IL10RA: variants seen among roughly 807,000 people sequenced by gnomAD.
IL10RA encodes interleukin-10 receptor subunit alpha.
Under a neutral mutation model 29.6 loss-of-function variants are expected in IL10RA, and 18 were observed. That is an observed-to-expected ratio of 0.61 (90% CI 0.42 to 0.90). IL10RA has a LOEUF of 0.90. Ranked by LOEUF, IL10RA falls within the 40% of genes least tolerant of loss-of-function variation. The pLI, the probability that IL10RA is intolerant of heterozygous loss-of-function variation, is 0.00. For synonymous variants in IL10RA, 292 were observed against 294.1 expected, an observed-to-expected ratio of 0.99 and a Z score of 0.07; for missense variants, 634 against 716.6, an observed-to-expected ratio of 0.88 and a Z score of 1.32.
At chr11:117,993,511 C>A in intron 4 of IL10RA, 101 bp downstream of exon 4, 2 of 1,063,684 alleles carry the variant, frequency 1.9e-6, no homozygotes, top group South Asian at 1.3e-5. Flanking sequence ...TGCTTATGGA[C>A]TAAAGGGAGG....
chr11:117,994,255 G>A lies in IL10RA; in HGVS notation c.688+106G>A, dbSNP rs1304271390. 3 of 926,948 alleles carry A rather than the reference G, an allele frequency of 3.2e-6. No individual in the cohort carries two copies. In the East Asian group the frequency reaches 7.7e-5, roughly 24 times the overall value. 57.4% of individuals were successfully genotyped at this position (926,948 alleles called of 1,614,324 possible). On this transcript the variant is annotated intron_variant, in intron 5 of 6. Transcript: ENST00000227752. ...GCTGGTGCCAGCCACTGTGTTAGGT[G>A]CTGCTTCACATAGCTCTGCATCCTT... is the stretch of plus-strand genomic sequence containing the variant.
In IL10RA at chr11:117,993,312, A is replaced by G. The variant is rs761828743; in HGVS notation, c.439A>G (p.Arg147Gly). Residue 147 changes from arginine to glycine, a missense_variant, in exon 4 of 7, where the codon AGG (arginine) becomes GGG (glycine). Arg to Gly is a moderately radical substitution (Grantham distance 125). Coordinates refer to ENST00000227752, the MANE Select transcript of IL10RA (RefSeq NM_001558.4). ...CATCCTCGGGAAGATTCAGCTACCC[A>G]GGCCCAAGATGGCCCCCGCAAATGA... ...GFILGKIQLPRPKMAPANDTY... is the reference protein window; with the variant it reads ...GFILGKIQLPGPKMAPANDTY... 3 of 1,613,968 alleles carry G rather than the reference A, an allele frequency of 1.9e-6. No individual in the cohort carries two copies. Among genetic ancestry groups the G allele is most frequent in the East Asian group, 2.2e-5 (1 of 44,890 alleles).
downstream of IL10RA, chr11:118,002,974 G>A (rs893340097): frequency 2.6e-5 from 4 of 152,194 alleles, no homozygotes; most frequent in African/African-American, 9.7e-5. Context: ...ACAGAGAGGG[G>A]GTAAATGGGC....
Position 117,999,875 on chromosome 11 carries a change from C to T in IL10RA, c.*234C>T. ...GGGTGGCACTGACCTGTTCTGTTGA[C>T]TGGGGCCCTGCAGACTCTGGCAGAG... On this transcript the variant is annotated 3_prime_UTR_variant, in exon 7 of 7. Transcript: ENST00000227752. 1 of 679,340 alleles carries T rather than the reference C, an allele frequency of 1.5e-6. No homozygotes were observed. Among genetic ancestry groups the T allele is most frequent in the Non-Finnish European group, 2.7e-6 (1 of 371,602 alleles). 42.1% of individuals were successfully genotyped at this position (679,340 alleles called of 1,614,324 possible).
Position 117,989,726 on chromosome 11 carries a change from G to T in IL10RA, c.367+106G>T. The T allele has an allele frequency of 8.4e-7, 1 of 1,185,848 alleles. No individual in the cohort carries two copies. The allele number at this position is 1,185,848 out of a possible 1,614,324, so 73.5% of individuals were successfully genotyped here. ...TTACCATAGCTCACCATGTCTGCCAGCCTCCCTGGCCGGAGAACTAGTTGC... is the reference window on the plus strand; with the variant it reads ...TTACCATAGCTCACCATGTCTGCCATCCTCCCTGGCCGGAGAACTAGTTGC... On this transcript the variant is annotated intron_variant, in intron 3 of 6. Coordinates refer to ENST00000227752, the MANE Select transcript of IL10RA (RefSeq NM_001558.4). This position sits in a 1 kb window ranked among gnomAD's most constrained non-coding sequence, Gnocchi z 4.5.
At chr11:117,997,252 G>C (rs888635562) in intron 6 of IL10RA, among the ~76,000 whole-genome samples, 6 of 152,216 alleles carry the variant, frequency 3.9e-5, no homozygotes, top group African/African-American at 1.4e-4. Flanking sequence ...AATTATTGGA[G>C]GGTAAAGTTC....
chr11:117,986,689 C>G, intron 1 of IL10RA, 155 bp downstream of exon 1: 1 of 1,535,158 alleles, frequency 6.5e-7, no homozygotes, highest in Non-Finnish European at 8.7e-7. Flanking sequence ...CTCAGGCTCA[C>G]CTGTTGTGGA....
intron 1 of IL10RA, chr11:117,987,111 G>A (rs902677676): frequency 2.9e-6 from 1 of 345,612 alleles, no homozygotes; most frequent in Non-Finnish European, 5.7e-6. Context: ...CTCCGGCAAG[G>A]TTTCTGCAAC....
intron 4 of IL10RA, among the ~76,000 whole-genome samples, 169 bp downstream of exon 4, chr11:117,993,579 A>G (rs949105520): frequency 1.3e-5 from 2 of 152,190 alleles, no homozygotes; most frequent in Non-Finnish European, 2.9e-5. Context: ...CCTCAGAGCT[A>G]TGCTCTTGTG....
rs1225752564 is a variant in IL10RA, at chr11:117,989,933, G to A, written c.367+313G>A. ...CAGGGAGGGTTCAGGGAGAGGAAGC[G>A]AATCCATGAACACTCAGCATAGGGC... On this transcript the variant is annotated intron_variant, in intron 3 of 6. Coordinates refer to ENST00000227752, the MANE Select transcript of IL10RA (RefSeq NM_001558.4). The surrounding 1 kb of genome is among the most constrained non-coding windows in gnomAD (Gnocchi z 4.5). Among the ~76,000 whole-genome samples, 4 of 152,088 alleles carry A rather than the reference G, an allele frequency of 2.6e-5. No homozygotes were observed. Among genetic ancestry groups the A allele is most frequent in the East Asian group, 1.9e-4 (1 of 5,190 alleles).
chr11:117,986,852 A>G (rs925948413), intron 1 of IL10RA: 1 of 1,440,514 alleles, frequency 6.9e-7, no homozygotes, highest in African/African-American at 1.4e-5. Flanking sequence ...TTAGGTTCAA[A>G]TGATGGGACT....
At chr11:117,998,608 A>G in intron 6 of IL10RA, 107 bp from the exon 7 acceptor site, 1 of 871,230 alleles carries the variant, frequency 1.1e-6, no homozygotes, top group South Asian at 1.4e-5. Flanking sequence ...TTTAGACTGT[A>G]GTCTCCTCCA....
intron 6 of IL10RA, among the ~76,000 whole-genome samples, chr11:117,997,125 T>C (rs1397535340): frequency 6.6e-6 from 1 of 152,236 alleles, no homozygotes; most frequent in African/African-American, 2.4e-5. Flanking sequence ...TCAGGACAGT[T>C]GAGGATGAAT....
rs375914332 is a variant in IL10RA at position 117,987,735 on chromosome 11, T to C, written c.68-647T>C. 119 of 162,322 alleles carry C rather than the reference T, an allele frequency of 7.3e-4. 2 individuals are homozygous for C. The South Asian group carries it at 0.019, about 25-fold the overall frequency. The allele number at this position is 162,322 out of a possible 1,614,324, so 10.1% of individuals were successfully genotyped here. A position where few individuals can be genotyped will look rare whatever the true frequency, so the allele number is the denominator to read the frequency against. The stretch of plus-strand genomic sequence containing the variant: ...GAGTATCTCTCCTCGGAGCTACAGG[T>C]GCCAGCTCTTGTGGGGATGTCCTCA... On this transcript the variant is annotated intron_variant, in intron 1 of 6. Coordinates refer to ENST00000227752, the MANE Select transcript of IL10RA (RefSeq NM_001558.4).
intron 4 of IL10RA, 94 bp downstream of exon 4, chr11:117,993,504 T>C: frequency 8.7e-7 from 1 of 1,152,282 alleles, no homozygotes; most frequent in East Asian, 2.4e-5. Context: ...GGAACTTTGC[T>C]TATGGACTAA....
In IL10RA at chr11:117,999,215, C is replaced by T. The variant is rs747331692; in HGVS notation, c.1311C>T (p.Asp437=). The change falls in exon 7 of 7, where the codon GAC becomes GAT. Residue 437 remains aspartate, a synonymous_variant. Transcript: ENST00000227752. ...PPEPEVPGEE[D]PAAVAFQGYL... ...AGCCTGAGGTGCCTGGGGAAGAAGA[C>T]CCAGCTGCTGTGGCATTCCAGGGTT... is the stretch of plus-strand genomic sequence containing the variant. 1.9e-6 allele frequency: 3 copies of T among 1,614,242 alleles called. No individual in the cohort carries two copies. Among genetic ancestry groups the T allele is most frequent in the Non-Finnish European group, 2.5e-6 (3 of 1,180,036 alleles).
At chr11:117,993,201 C>T in intron 3 of IL10RA, 40 bp from the exon 4 acceptor site, 3 of 1,598,788 alleles carry the variant, frequency 1.9e-6, no homozygotes, top group Non-Finnish European at 2.6e-6. Context: ...CCTCAGCCCT[C>T]AAGTCTCATG....
intron 5 of IL10RA, among the ~76,000 whole-genome samples, chr11:117,994,360 C>G (rs1281911690): frequency 6.6e-6 from 1 of 152,196 alleles, no homozygotes; most frequent in Admixed American, 6.5e-5. Context: ...TAGGGTTGCA[C>G]AGCTAGGACT....
In IL10RA at chr11:118,000,411, C is replaced by T. The variant is rs2058088280; in HGVS notation, c.*770C>T. 2 of 454,164 alleles carry T rather than the reference C, an allele frequency of 4.4e-6. No homozygotes were observed. The highest frequency in any genetic ancestry group is 4.0e-5 in the African/African-American group (2 of 49,990). The allele number at this position is 454,164 out of a possible 1,614,324, so 28.1% of individuals were successfully genotyped here. On this transcript the variant is annotated 3_prime_UTR_variant, in exon 7 of 7. Transcript: ENST00000227752. ...CCTGGGGCACTTGCTGAGGCCAAGC[C>T]ACTCACATCCTCACTTTGCTGCCCC...
Sources: gnomAD v4.1 joint callset for allele counts (sites outside exome capture counted in the v4.1 genomes callset) on GRCh38, gnomAD v4.1.1 for gene constraint, Gnocchi (gnomAD v3.1) non-coding constraint, MANE v1.5 for transcripts, NCBI Gene and HGNC (gene_info 2026-07-23, HGNC 2026-07-21) for gene names.